Variants in ARHGAP10 observed in about 807,000 individuals in gnomAD.
The protein encoded by ARHGAP10 is rho GTPase-activating protein 10.
In ARHGAP10, 87 loss-of-function variants were observed where a neutral mutation model predicts 108.6. That is an observed-to-expected ratio of 0.80 (90% CI 0.67 to 0.96). The LOEUF (loss-of-function observed/expected upper bound fraction) is 0.96, where lower values mean the gene tolerates loss of function less well. Among genes scored for constraint, ARHGAP10 ranks in the 40% least tolerant of loss-of-function variants. The pLI, the probability that ARHGAP10 is intolerant of heterozygous loss-of-function variation, is 0.00. For synonymous variants in ARHGAP10, 347 were observed against 341.1 expected (o/e 1.02, Z -0.19); for missense variants, 939 against 954.5 (o/e 0.98, Z 0.21).
At chr4:148,017,674 A>AG (rs1560876905) in intron 18 of ARHGAP10, among the ~76,000 whole-genome samples, 2 of 139,262 alleles carry the variant, frequency 1.4e-5, no homozygotes, top group Non-Finnish European at 3.0e-5. Context: ...ATATATATAT[A>AG]TATATATATG....
intron 8 of ARHGAP10, among the ~76,000 whole-genome samples, chr4:147,878,063 A>G (rs1735147488): frequency 1.3e-5 from 2 of 150,642 alleles, no homozygotes; most frequent in South Asian, 4.2e-4. Flanking sequence ...CACCCTCCCC[A>G]GTAGCTGGGA....
chr4:147,829,695 ATGT>A (rs942890334), intron 3 of ARHGAP10, among the ~76,000 whole-genome samples: 4 of 152,168 alleles, frequency 2.6e-5, no homozygotes, highest in Admixed American at 6.5e-5. Flanking sequence ...ATGGCAGGAC[ATGT>A]TGTACTTATC....
chr4:147,754,648 A>T (rs1035766666), intron 1 of ARHGAP10, among the ~76,000 whole-genome samples: 4 of 152,130 alleles, frequency 2.6e-5, no homozygotes, highest in Admixed American at 1.3e-4. Context: ...CACCAGCTAG[A>T]GAATTTGGGT....
intron 19 of ARHGAP10, among the ~76,000 whole-genome samples, chr4:148,031,920 A>G (rs1728164864): frequency 6.6e-6 from 1 of 152,154 alleles, no homozygotes; most frequent in East Asian, 1.9e-4. Context: ...ATTTTATTGT[A>G]ATTTATGCCA....
chr4:147,779,674 C>G (rs1730452453), intron 1 of ARHGAP10, among the ~76,000 whole-genome samples: 1 of 152,152 alleles, frequency 6.6e-6, no homozygotes, highest in South Asian at 2.1e-4. Context: ...GAAGTCAGAG[C>G]AAGAGCACAA....
rs891773468 is a variant in ARHGAP10, at chr4:147,882,324, G to T, written c.1034+392G>T. On this transcript the variant is annotated intron_variant, in intron 10 of 22. Coordinates refer to ENST00000336498, the MANE Select transcript of ARHGAP10 (RefSeq NM_024605.4). ...AAAAAGACAAAAAAATTAGCCAGGC[G>T]TGGTGGCATACACCTGTAGTCCCAG... 2.6e-5 allele frequency among the ~76,000 whole-genome samples: 4 copies of T among 152,060 alleles called. No individual in the cohort carries two copies. The East Asian group carries it at 7.7e-4, about 29-fold the overall frequency.
chr4:147,777,942 C>T (rs116752517), intron 1 of ARHGAP10, among the ~76,000 whole-genome samples: 64 of 152,258 alleles, frequency 4.2e-4, no homozygotes, highest in African/African-American at 1.4e-3. Flanking sequence ...TAGAAAGGCA[C>T]GTTGCAGGTC....
At chr4:147,906,256 C>T (rs528932606) in intron 10 of ARHGAP10, among the ~76,000 whole-genome samples, 2 of 152,186 alleles carry the variant, frequency 1.3e-5, no homozygotes, top group South Asian at 4.2e-4. Flanking sequence ...CAGCACTGTT[C>T]ACAACAGGCA....
At chr4:147,784,861 ATT>A (rs1161079993) in intron 1 of ARHGAP10, among the ~76,000 whole-genome samples, 3 of 116,366 alleles carry the variant, frequency 2.6e-5, no homozygotes, top group African/African-American at 1.0e-4. Context: ...TTATAAATAT[ATT>A]ATAAAATATA....
intron 18 of ARHGAP10, among the ~76,000 whole-genome samples, chr4:148,007,162 ATG>A (rs1560871899): frequency 6.6e-6 from 1 of 152,172 alleles, no homozygotes; most frequent in East Asian, 1.9e-4. Context: ...ACTTTAATAT[ATG>A]TGTTTGTGAA....
chr4:147,921,099 G>A (rs1737213536), intron 13 of ARHGAP10, among the ~76,000 whole-genome samples: 1 of 152,224 alleles, frequency 6.6e-6, no homozygotes, highest in Non-Finnish European at 1.5e-5. Context: ...ATTTATAAGC[G>A]AGGTAACTGA....
intron 18 of ARHGAP10, among the ~76,000 whole-genome samples, chr4:147,999,541 C>T (rs559954203): frequency 3.3e-5 from 5 of 152,314 alleles, no homozygotes; most frequent in African/African-American, 7.2e-5. Flanking sequence ...CGCCCATTGC[C>T]GCTCTGGATC....
chr4:148,011,643 A>C (rs979226262), intron 18 of ARHGAP10, among the ~76,000 whole-genome samples: 1 of 152,234 alleles, frequency 6.6e-6, no homozygotes, highest in African/African-American at 2.4e-5. Context: ...CAGATTTGGG[A>C]AATCTGGGGC....
chr4:148,027,831 CTG>C (rs1252126060), intron 19 of ARHGAP10, among the ~76,000 whole-genome samples: 1 of 152,128 alleles, frequency 6.6e-6, no homozygotes, highest in African/African-American at 2.4e-5. Context: ...AAGCAGGCCA[CTG>C]TGCGGTCTTT....
At chr4:147,955,225 T>G in intron 15 of ARHGAP10, 91 bp from the exon 16 acceptor site, 1 of 1,223,326 alleles carries the variant, frequency 8.2e-7, no homozygotes, top group Non-Finnish European at 1.2e-6. Context: ...AATTAAGAAA[T>G]GCATAACAAA....
chr4:147,900,405 T>C (rs1471686372), intron 10 of ARHGAP10, among the ~76,000 whole-genome samples: 1 of 152,246 alleles, frequency 6.6e-6, no homozygotes, highest in Non-Finnish European at 1.5e-5. Context: ...CTACAGATAA[T>C]AATTAGGGTT....
intron 1 of ARHGAP10, among the ~76,000 whole-genome samples, chr4:147,751,641 A>G (rs930833229): frequency 7.2e-5 from 11 of 151,974 alleles, no homozygotes. Flanking sequence ...TACTGGGATT[A>G]CAGGTGTGAG....
chr4:148,047,158 A>G (rs1427838441), intron 20 of ARHGAP10, 107 bp downstream of exon 20: 8 of 1,356,098 alleles, frequency 5.9e-6, no homozygotes, highest in East Asian at 2.4e-5. Context: ...CATTAGATCT[A>G]GGAGCCCTTG....
At chr4:148,070,609 GAAA>G (rs565171951) in intron 22 of ARHGAP10, among the ~76,000 whole-genome samples, 1 of 152,108 alleles carries the variant, frequency 6.6e-6, no homozygotes, top group Admixed American at 6.5e-5. Flanking sequence ...AATCTATGGG[GAAA>G]AAAAGAGTAG....
Sources: gnomAD v4.1 joint callset for allele counts (sites outside exome capture counted in the v4.1 genomes callset) on GRCh38, gnomAD v4.1.1 for gene constraint, MANE v1.5 for transcripts, NCBI Gene and HGNC (gene_info 2026-07-23, HGNC 2026-07-21) for gene names.